The following ACTN2 variants were observed in gnomAD, a reference collection of about 807,000 sequenced individuals.
ACTN2 encodes the protein actinin alpha 2, also known as alpha-actinin-2.
Under a neutral mutation model 113.8 loss-of-function variants are expected in ACTN2, and 39 were observed. That is an observed-to-expected ratio of 0.34 (90% CI 0.27 to 0.45). The LOEUF is 0.45. Among genes scored for constraint, ACTN2 ranks in the 20% least tolerant of loss-of-function variants. The probability of loss-of-function intolerance (pLI) is 1.00; values close to 1 mark genes in which losing one functional copy is unlikely to be tolerated. For synonymous variants in ACTN2, 429 were observed against 444.1 expected, an observed-to-expected ratio of 0.97 and a Z score of 0.43; for missense variants, 992 against 1,177.9, an observed-to-expected ratio of 0.84 and a Z score of 2.31.
chr1:236,759,409 T>C (rs1362813682), intron 18 of ACTN2, among the ~76,000 whole-genome samples: 3 of 152,230 alleles, frequency 2.0e-5, no homozygotes, highest in African/African-American at 7.2e-5. Context: ...TTTGTTCAAA[T>C]TAAACATGAA....
chr1:236,759,522 CCT>C (rs944211700), intron 18 of ACTN2, among the ~76,000 whole-genome samples, 200 bp from the exon 19 acceptor site: 4 of 152,114 alleles, frequency 2.6e-5, no homozygotes, highest in Admixed American at 6.5e-5. Flanking sequence ...TCTTTACCCT[CCT>C]CTCCCCTCTT....
chr1:236,700,634 A>G (rs1657645830), intron 1 of ACTN2, among the ~76,000 whole-genome samples: 1 of 152,178 alleles, frequency 6.6e-6, no homozygotes, highest in African/African-American at 2.4e-5. Flanking sequence ...GCTTCGAGTG[A>G]TAAGCCTGAC....
In ACTN2 at chr1:236,715,688, G is replaced by A. The variant is rs149139445; in HGVS notation, c.127-2170G>A. Among the ~76,000 whole-genome samples the A allele has an allele frequency of 4.5e-4, 68 of 152,292 alleles. 1 individual carries two copies. The East Asian group carries it at 8.7e-3, about 19-fold the overall frequency. On this transcript the variant is annotated intron_variant, in intron 1 of 20. Transcript: ENST00000366578. The stretch of plus-strand genomic sequence containing the variant: ...ATATGGCTTAAGACCGAGTGTGGTG[G>A]CTCATGCCTGTAATCCCAGCACTTT...
rs190726446 is a variant in ACTN2 at position 236,742,427 on chromosome 1, A to C, written c.1108-469A>C. Among the ~76,000 whole-genome samples, 914 of 152,304 alleles carry C rather than the reference A, an allele frequency of 6.0e-3. 9 individuals are homozygous for C. The highest frequency in any genetic ancestry group is 0.021 in the African/African-American group (886 of 41,554). On this transcript the variant is annotated intron_variant, in intron 10 of 20. Coordinates refer to ENST00000366578, the MANE Select transcript of ACTN2 (RefSeq NM_001103.4). ...CTGAATAAGAGTTGTTTTGGAAGCC[A>C]GGTGTGGTGGCACATGCCTGTAATC... is the stretch of plus-strand genomic sequence containing the variant.
intron 11 of ACTN2, 117 bp from the exon 12 acceptor site, chr1:236,744,509 C>G (rs1334560497): frequency 7.8e-7 from 1 of 1,278,304 alleles, no homozygotes; most frequent in Non-Finnish European, 1.1e-6. Flanking sequence ...AGTCCTGCCC[C>G]TCTCTGTCCC....
intron 1 of ACTN2, among the ~76,000 whole-genome samples, chr1:236,709,220 GTATATATA>G (rs758619189): frequency 0.022 from 1,487 of 66,820 alleles, 52 homozygotes; most frequent in African/African-American, 0.076. Context: ...ACAAATGACT[GTATATATA>G]TATATATATA....
At chr1:236,747,883 A>G (rs1458600920) in intron 13 of ACTN2, 108 bp downstream of exon 13, 1 of 869,852 alleles carries the variant, frequency 1.1e-6, no homozygotes, top group South Asian at 1.5e-5. Flanking sequence ...CAGGTTGCCT[A>G]GTGAAAGGAA....
At chr1:236,708,714 G>T (rs929829643) in intron 1 of ACTN2, among the ~76,000 whole-genome samples, 1 of 152,176 alleles carries the variant, frequency 6.6e-6, no homozygotes, top group Non-Finnish European at 1.5e-5. Flanking sequence ...TTGCTGGCTG[G>T]GGGGATTGAG....
Position 236,731,133 on chromosome 1 carries a change from G to A in ACTN2, c.616-100G>A, listed in dbSNP as rs1658700896. On this transcript the variant is annotated intron_variant, in intron 6 of 20. Transcript: ENST00000366578. ...ACACTATTATGATTGTGTGTGGGTG[G>A]GAAGGTGTCCGGCCTAAAGTGAGGT... 4 of 830,828 alleles carry A rather than the reference G, an allele frequency of 4.8e-6. No homozygotes were observed. In the East Asian group the frequency reaches 7.6e-5, roughly 16 times the overall value. 51.5% of individuals were successfully genotyped at this position (830,828 alleles called of 1,614,324 possible). A position where few individuals can be genotyped will look rare whatever the true frequency, so the allele number is the denominator to read the frequency against.
intron 4 of ACTN2, among the ~76,000 whole-genome samples, chr1:236,723,658 A>T (rs1188037888): frequency 6.6e-6 from 1 of 151,988 alleles, no homozygotes; most frequent in South Asian, 2.1e-4. Context: ...TAGAGATGGG[A>T]TTCGCCATCT....
At chr1:236,715,133 G>T (rs968224292) in intron 1 of ACTN2, among the ~76,000 whole-genome samples, 4 of 150,892 alleles carry the variant, frequency 2.7e-5, no homozygotes, top group African/African-American at 9.8e-5. Context: ...GAACCCTTTC[G>T]TACCACTTGA....
At chr1:236,709,220 G>GTATCTATA (rs1657924125) in intron 1 of ACTN2, among the ~76,000 whole-genome samples, 1 of 66,838 alleles carries the variant, frequency 1.5e-5, no homozygotes, top group African/African-American at 6.1e-5. Context: ...ACAAATGACT[G>GTATCTATA]TATATATATA....
At chr1:236,711,735 T>G (rs1431200710) in intron 1 of ACTN2, among the ~76,000 whole-genome samples, 1 of 152,322 alleles carries the variant, frequency 6.6e-6, no homozygotes, top group African/African-American at 2.4e-5. Flanking sequence ...GCTCTGAAAC[T>G]TTTTATGTGC....
chr1:236,763,083 T>A lies in ACTN2; in HGVS notation c.*464T>A, dbSNP rs1160718590. 2.7e-5 allele frequency: 5 copies of A among 185,290 alleles called. No homozygotes were observed. In the East Asian group the frequency reaches 7.0e-4, roughly 26 times the overall value. 11.5% of individuals were successfully genotyped at this position (185,290 alleles called of 1,614,324 possible). On this transcript the variant is annotated 3_prime_UTR_variant, in exon 21 of 21. Transcript: ENST00000366578. ...TGTGATTGCCCCTAGGGGAGTATAT[T>A]TGGGATTCTAATGTTTTATTTTCAT...
At position 236,757,526 on chromosome 1, in the gene ACTN2, C is replaced by T; in HGVS notation, c.2195C>T (p.Ala732Val). ...TGGGAGCTGCTGCTGACAACCATCG[C>T]CAGAACCATCAATGAGGTGGAGACT... ...VGWELLLTTI[A>V]RTINEVETQI... Residue 732 changes from alanine to valine, a missense_variant, in exon 18 of 21, where the codon GCC becomes GTC. Ala to Val is a moderately conservative substitution (Grantham distance 64, BLOSUM62 0). Coordinates refer to ENST00000366578, the MANE Select transcript of ACTN2 (RefSeq NM_001103.4). The T allele has an allele frequency of 5.6e-6, 9 of 1,614,102 alleles. No individual in the cohort carries two copies. Among genetic ancestry groups the T allele is most frequent in the Non-Finnish European group, 7.6e-6 (9 of 1,180,030 alleles).
intron 7 of ACTN2, among the ~76,000 whole-genome samples, chr1:236,733,310 A>G (rs1212401159): frequency 1.3e-5 from 2 of 152,166 alleles, no homozygotes; most frequent in African/African-American, 4.8e-5. Context: ...TGAGTTTCCT[A>G]TTCACTCACG....
chr1:236,729,506 C>T (rs1473267474), intron 6 of ACTN2, among the ~76,000 whole-genome samples: 2 of 152,176 alleles, frequency 1.3e-5, no homozygotes, highest in African/African-American at 4.8e-5. Flanking sequence ...GCATGCTGAC[C>T]TCACTCGTGT....
chr1:236,760,986 G>A, intron 19 of ACTN2, 29 bp from the exon 20 acceptor site: 3 of 1,614,170 alleles, frequency 1.9e-6, no homozygotes, highest in Non-Finnish European at 2.5e-6. Flanking sequence ...TACCGTTCGT[G>A]TACATGTTTC....
At chr1:236,701,332 AT>A (rs1466830514) in intron 1 of ACTN2, among the ~76,000 whole-genome samples, 1 of 152,190 alleles carries the variant, frequency 6.6e-6, no homozygotes, top group Non-Finnish European at 1.5e-5. Flanking sequence ...AACTTTAAAA[AT>A]GGAAACATTG....
Sources: gnomAD v4.1 joint callset for allele counts (sites outside exome capture counted in the v4.1 genomes callset) on GRCh38, gnomAD v4.1.1 for gene constraint, MANE v1.5 for transcripts, NCBI Gene and HGNC (gene_info 2026-07-23, HGNC 2026-07-21) for gene names.